Variants in TASP1 observed in about 807,000 individuals in gnomAD.
TASP1 encodes the protein threonine aspartase 1.
In TASP1, 16 loss-of-function variants were observed where a neutral mutation model predicts 56.6. That is an observed-to-expected ratio of 0.28 (90% CI 0.19 to 0.43). The LOEUF (loss-of-function observed/expected upper bound fraction) is 0.43, where lower values mean the gene tolerates loss of function less well. Ranked by LOEUF, TASP1 falls within the 20% of genes least tolerant of loss-of-function variation. TASP1 has a pLI of 1.00. For missense variants in TASP1, 393 were observed against 511.6 expected (o/e 0.77, Z 2.24); for synonymous variants, 179 against 184.2 (o/e 0.97, Z 0.23).
At chr20:13,420,086 C>T (rs1163012943) in intron 12 of TASP1, among the ~76,000 whole-genome samples, 1 of 152,048 alleles carries the variant, frequency 6.6e-6, no homozygotes, top group African/African-American at 2.4e-5. Flanking sequence ...TCCTCATGCC[C>T]CGAATATTAA....
At chr20:13,416,037 C>T (rs1044046699) in intron 13 of TASP1, among the ~76,000 whole-genome samples, 1 of 152,196 alleles carries the variant, frequency 6.6e-6, no homozygotes, top group Admixed American at 6.5e-5. Context: ...ATTCATTAAA[C>T]CTGTGCTGTT....
At chr20:13,227,306 C>T in the TASP1 span, among the ~76,000 whole-genome samples, 3 of 151,792 alleles carry the variant, frequency 2.0e-5, no homozygotes, top group South Asian at 2.1e-4. Context: ...TGGGTTCACA[C>T]CATTCTCCTG....
At chr20:13,231,892 G>A in the TASP1 span, among the ~76,000 whole-genome samples, 2 of 152,316 alleles carry the variant, frequency 1.3e-5, no homozygotes, top group African/African-American at 2.4e-5. Context: ...CTTTGAATGC[G>A]ATGGGCCATT....
chr20:13,226,806 T>C, the TASP1 span, among the ~76,000 whole-genome samples: 8 of 152,212 alleles, frequency 5.3e-5, no homozygotes, highest in Admixed American at 4.6e-4. Flanking sequence ...TTTGCACAAC[T>C]TCATTTCAGC....
chr20:13,552,377 C>A (rs73610485), intron 8 of TASP1, among the ~76,000 whole-genome samples: 1 of 151,794 alleles, frequency 6.6e-6, no homozygotes, highest in East Asian at 1.9e-4. Flanking sequence ...AGAAGAAAGT[C>A]AAGGAAAAAC....
At chr20:13,116,033 C>T in the TASP1 span, among the ~76,000 whole-genome samples, 1 of 152,116 alleles carries the variant, frequency 6.6e-6, no homozygotes, top group Non-Finnish European at 1.5e-5. Flanking sequence ...TAAGAAAAGA[C>T]AACTGTATTT....
intron 11 of TASP1, among the ~76,000 whole-genome samples, chr20:13,449,321 T>C (rs977110450): frequency 6.6e-6 from 1 of 152,110 alleles, no homozygotes; most frequent in Non-Finnish European, 1.5e-5. Context: ...AAGAACATTA[T>C]ACATTTAGTT....
At chr20:13,229,833 C>CCT in the TASP1 span, among the ~76,000 whole-genome samples, 2 of 151,874 alleles carry the variant, frequency 1.3e-5, no homozygotes. Flanking sequence ...ACCAGAAATC[C>CCT]CTCTCTCTCT....
intron 6 of TASP1, among the ~76,000 whole-genome samples, chr20:13,575,287 C>A (rs1353979318): frequency 6.6e-6 from 1 of 152,154 alleles, no homozygotes; most frequent in African/African-American, 2.4e-5. Context: ...TCTCAGCACA[C>A]TAAGTGATAT....
chr20:13,117,998 GAATAATT>G, the TASP1 span, among the ~76,000 whole-genome samples: 1 of 152,094 alleles, frequency 6.6e-6, no homozygotes, highest in African/African-American at 2.4e-5. Flanking sequence ...CCAGGCAGAG[GAATAATT>G]AACTCTGTTA....
Position 13,549,833 on chromosome 20 carries a change from G to A in TASP1, c.675+9175C>T, listed in dbSNP as rs147072327. On this transcript the variant is annotated intron_variant, in intron 8 of 13. Transcript: ENST00000337743. ...TTCCGTTAAATACTACAAATTTTAAGTCTCTACAGAGCTATTAAATACTCA... is the reference window on the plus strand; with the variant it reads ...TTCCGTTAAATACTACAAATTTTAAATCTCTACAGAGCTATTAAATACTCA... Among the ~76,000 whole-genome samples, 614 of 151,940 alleles carry A rather than the reference G, an allele frequency of 4.0e-3. 4 individuals carry two copies. Among genetic ancestry groups the A allele is most frequent in the African/African-American group, 0.014 (584 of 41,446 alleles).
At chr20:13,141,915 G>A in the TASP1 span, among the ~76,000 whole-genome samples, 1 of 152,182 alleles carries the variant, frequency 6.6e-6, no homozygotes, top group African/African-American at 2.4e-5. Flanking sequence ...TAGCAATCAA[G>A]GTGACAGACA....
intron 5 of TASP1, among the ~76,000 whole-genome samples, chr20:13,586,130 G>A (rs768151047): frequency 6.1e-4 from 77 of 126,912 alleles, no homozygotes; most frequent in Admixed American, 4.0e-3. Context: ...ATGAGACTCC[G>A]CACCACTGCA....
At chr20:13,518,606 C>T (rs767852975) in intron 10 of TASP1, among the ~76,000 whole-genome samples, 1 of 152,076 alleles carries the variant, frequency 6.6e-6, no homozygotes, top group Non-Finnish European at 1.5e-5. Context: ...TTCACTCATC[C>T]GGGCTTCACT....
chr20:13,594,457 G>A (rs372389579), intron 4 of TASP1, among the ~76,000 whole-genome samples: 8 of 152,058 alleles, frequency 5.3e-5, no homozygotes, highest in East Asian at 1.9e-4. Flanking sequence ...CTAACACATC[G>A]CAAAAAGCTA....
chr20:13,152,699 A>C, the TASP1 span, among the ~76,000 whole-genome samples: 1 of 152,192 alleles, frequency 6.6e-6, no homozygotes, highest in African/African-American at 2.4e-5. Flanking sequence ...ATTCCAACTG[A>C]TTAAGACTGG....
intron 9 of TASP1, among the ~76,000 whole-genome samples, chr20:13,530,844 TA>T (rs2045192512): frequency 6.6e-6 from 1 of 152,206 alleles, no homozygotes; most frequent in African/African-American, 2.4e-5. Flanking sequence ...CTTCATTGGA[TA>T]AAATATGGCA....
At chr20:13,346,616 A>AG in the TASP1 span, among the ~76,000 whole-genome samples, 1 of 152,214 alleles carries the variant, frequency 6.6e-6, no homozygotes, top group African/African-American at 2.4e-5. Flanking sequence ...ATGGAAGGGG[A>AG]GAGTCCTCCT....
At chr20:13,343,431 A>G in the TASP1 span, among the ~76,000 whole-genome samples, 1 of 152,228 alleles carries the variant, frequency 6.6e-6, no homozygotes, top group Non-Finnish European at 1.5e-5. Flanking sequence ...AAGTTTTCAA[A>G]TCCAAAAGCC....
Sources: allele counts gnomAD v4.1 joint callset (sites outside exome capture counted in the v4.1 genomes callset), GRCh38; gene constraint gnomAD v4.1.1; transcripts MANE v1.5; gene names NCBI Gene and HGNC (gene_info 2026-07-23, HGNC 2026-07-21).